INTS13: variants seen among roughly 807,000 people sequenced by gnomAD.
INTS13 encodes asunder, spermatogenesis regulator homolog (Drosphila).
In INTS13, 35 loss-of-function variants were observed where a neutral mutation model predicts 90.2. That is an observed-to-expected ratio of 0.39 (90% CI 0.30 to 0.51). The LOEUF (loss-of-function observed/expected upper bound fraction) is 0.51. Among genes scored for constraint, INTS13 ranks in the 20% least tolerant of loss-of-function variants. The pLI, the probability that INTS13 is intolerant of heterozygous loss-of-function variation, is 0.80. For synonymous variants in INTS13, 309 were observed against 277.1 expected, an observed-to-expected ratio of 1.11 and a Z score of -1.14; for missense variants, 601 against 851.2, an observed-to-expected ratio of 0.71 and a Z score of 3.66.
intron 5 of INTS13, among the ~76,000 whole-genome samples, chr12:26,926,325 A>G (rs112727471): frequency 3.9e-3 from 587 of 152,322 alleles, no homozygotes; most frequent in African/African-American, 0.012. Flanking sequence ...TTGAAAGAAA[A>G]GTACTATTCA....
At chr12:26,909,103 G>A (rs1211851792) in intron 15 of INTS13, among the ~76,000 whole-genome samples, 1 of 152,230 alleles carries the variant, frequency 6.6e-6, no homozygotes, top group East Asian at 1.9e-4. Context: ...ACTCATGCCT[G>A]TAATCCCAGC....
In INTS13 at chr12:26,936,230, CTCTCAAT is replaced by C. The variant is rs1294090457; in HGVS notation, c.225+342_225+348del. On this transcript the variant is annotated intron_variant, in intron 2 of 16. Transcript: ENST00000261191. ...ACATGCCAGCACAGTTTGACAGCAG[CTCTCAAT>C]GGTCAGTCTGTGTTCTATACTGGTT... is the stretch of plus-strand genomic sequence containing the variant. Among the ~76,000 whole-genome samples, 3 of 152,352 alleles carry C rather than the reference CTCTCAAT, an allele frequency of 2.0e-5. No homozygotes were observed. The East Asian group carries it at 5.8e-4, about 29-fold the overall frequency.
At chr12:26,919,767 T>C (rs1343488501) in intron 8 of INTS13, among the ~76,000 whole-genome samples, 3 of 140,612 alleles carry the variant, frequency 2.1e-5, no homozygotes, top group Non-Finnish European at 4.8e-5. Context: ...TAAGTTGTTT[T>C]GGGCATGTTG....
At chr12:26,917,596 T>C (rs1480784914) in intron 9 of INTS13, 48 bp downstream of exon 9, 1 of 1,537,248 alleles carries the variant, frequency 6.5e-7, no homozygotes, top group Non-Finnish European at 9.0e-7. Context: ...ATATAATACC[T>C]TAAGAACCTT....
chr12:26,931,396 A>G (rs1938181668), intron 3 of INTS13, among the ~76,000 whole-genome samples: 1 of 152,122 alleles, frequency 6.6e-6, no homozygotes, highest in Non-Finnish European at 1.5e-5. Context: ...GTGAGCCAAG[A>G]TTGCGCCACT....
At chr12:26,920,365 T>C (rs1161855559) in intron 8 of INTS13, among the ~76,000 whole-genome samples, 4 of 151,888 alleles carry the variant, frequency 2.6e-5, no homozygotes, top group Non-Finnish European at 5.9e-5. Flanking sequence ...ACAACTATTT[T>C]AAAGAACTAT....
intron 2 of INTS13, among the ~76,000 whole-genome samples, chr12:26,935,351 T>C (rs2136326474): frequency 6.6e-6 from 1 of 152,350 alleles, no homozygotes; most frequent in East Asian, 1.9e-4. Context: ...GGCTAGAGGG[T>C]TAGATTTCTT....
intron 5 of INTS13, among the ~76,000 whole-genome samples, chr12:26,926,186 T>C (rs1361365298): frequency 6.6e-6 from 1 of 152,252 alleles, no homozygotes; most frequent in Non-Finnish European, 1.5e-5. Flanking sequence ...CTTATACTAA[T>C]ATTTCTTAAG....
At chr12:26,927,045 T>G (rs1376912575) in intron 5 of INTS13, among the ~76,000 whole-genome samples, 2 of 152,102 alleles carry the variant, frequency 1.3e-5, no homozygotes, top group African/African-American at 4.8e-5. Flanking sequence ...GCTGGGAGGG[T>G]GGTACACCCC....
rs138706692 is a variant in INTS13, at chr12:26,931,797, T to C, written c.300+2759A>G. Among the ~76,000 whole-genome samples the C allele has an allele frequency of 8.7e-5, 13 of 149,976 alleles. No individual in the cohort carries two copies. In the East Asian group the frequency reaches 1.8e-3, roughly 21 times the overall value. On this transcript the variant is annotated intron_variant, in intron 3 of 16. Transcript: ENST00000261191. ...AAAAGATTTTACTTACTAAAAAACA[T>C]AAACCCGGGCTGTGCGTGGTGGCTC...
At chr12:26,936,141 C>T (rs1255538106) in intron 2 of INTS13, among the ~76,000 whole-genome samples, 2 of 152,210 alleles carry the variant, frequency 1.3e-5, no homozygotes, top group Non-Finnish European at 2.9e-5. Context: ...CAAGTTTCTT[C>T]TCTTTACCTC....
chr12:26,932,272 C>G (rs75467314), intron 3 of INTS13, among the ~76,000 whole-genome samples: 1,709 of 152,182 alleles, frequency 0.011, 27 homozygotes, highest in African/African-American at 0.039. Flanking sequence ...CCCATGGAAA[C>G]TAAAAGGCAA....
chr12:26,922,947 C>T (rs1937666897), intron 7 of INTS13, among the ~76,000 whole-genome samples: 1 of 152,070 alleles, frequency 6.6e-6, no homozygotes, highest in African/African-American at 2.4e-5. Context: ...TCAGAATTAA[C>T]AAAGATGACT....
intron 2 of INTS13, among the ~76,000 whole-genome samples, chr12:26,935,040 G>A (rs893981265): frequency 2.6e-5 from 4 of 152,196 alleles, no homozygotes; most frequent in Non-Finnish European, 4.4e-5. Flanking sequence ...ACCAGCCACC[G>A]TAAAGTCAGG....
chr12:26,924,512 C>A (rs1937759272), intron 6 of INTS13, 29 bp from the exon 7 acceptor site: 1 of 1,575,556 alleles, frequency 6.3e-7, no homozygotes. Flanking sequence ...GAAAAATAAT[C>A]CACAAAATAT....
Position 26,917,453 on chromosome 12 carries a change from G to GA in INTS13, c.980-13dup, listed in dbSNP as rs1951970107. Reference sequence around the variant, plus strand: ...ACAATAGTGTAATTCTGAAATAGAAGAAAACACTGATTTGAAAGAATATAA... The same window carrying GA: ...ACAATAGTGTAATTCTGAAATAGAAGAAAAACACTGATTTGAAAGAATATAA... On this transcript the variant is annotated splice_polypyrimidine_tract_variant and intron_variant, in intron 9 of 16. Transcript: ENST00000261191. 4 of 1,409,906 alleles carry GA rather than the reference G, an allele frequency of 2.8e-6. No individual in the cohort carries two copies. The Admixed American group carries it at 8.2e-5, about 29-fold the overall frequency. 87.3% of individuals were successfully genotyped at this position (1,409,906 alleles called of 1,614,324 possible).
At chr12:26,928,641 A>T in intron 4 of INTS13, 62 bp downstream of exon 4, 1 of 1,555,070 alleles carries the variant, frequency 6.4e-7, no homozygotes, top group Non-Finnish European at 8.8e-7. Flanking sequence ...TACTATTCTG[A>T]AAAACTACAA....
At position 26,934,620 on chromosome 12, in the gene INTS13, A is replaced by G. The variant is rs752594318; in HGVS notation, c.236T>C (p.Ile79Thr). The change falls in exon 3 of 17, where the codon ATT becomes ACT. Residue 79 changes from isoleucine (I) to threonine (T), a missense_variant. Around this residue, in one of 3 missense-constraint regions of INTS13, gnomAD observed 284 missense variants for 387.7 expected, o/e 0.73. Transcript: ENST00000261191. ...IFPFKKLVNF[I>T]VSDSGAHVLN... ...AACATGTGCTCCAGAGTCACTCACA[A>G]TAAAATTCACCTAATAGATTCCAAA... is the stretch of plus-strand genomic sequence containing the variant. The G allele has an allele frequency of 1.5e-5, 24 of 1,612,528 alleles. No individual in the cohort carries two copies. The highest frequency in any genetic ancestry group is 1.2e-4 in the Admixed American group (7 of 59,974).
At chr12:26,933,414 G>A (rs550096336) in intron 3 of INTS13, among the ~76,000 whole-genome samples, 13 of 152,194 alleles carry the variant, frequency 8.5e-5, no homozygotes, top group Middle Eastern at 3.4e-3. Flanking sequence ...CTTTCAGTGC[G>A]AAATTATAAA....
Sources: allele counts gnomAD v4.1 joint callset (sites outside exome capture counted in the v4.1 genomes callset), GRCh38; gene constraint gnomAD v4.1.1; regional missense constraint gnomAD v4.1.1; transcripts MANE v1.5; gene names NCBI Gene and HGNC (gene_info 2026-07-23, HGNC 2026-07-21).